The following CFAP43 variants were observed in gnomAD, a reference collection of about 807,000 sequenced individuals.
CFAP43 encodes the protein cilia- and flagella-associated protein 43.
In CFAP43, 155 loss-of-function variants were observed where a neutral mutation model predicts 218.9. That is an observed-to-expected ratio of 0.71 (90% CI 0.62 to 0.81). The LOEUF is 0.81. Among genes scored for constraint, CFAP43 ranks in the 30% least tolerant of loss-of-function variants. CFAP43 has a pLI of 0.00. For missense variants in CFAP43, 1,778 were observed against 1,954.3 expected (o/e 0.91, Z 1.70); for synonymous variants, 645 against 681.3 (o/e 0.95, Z 0.83).
chr10:104,180,442 T>C lies in CFAP43; in HGVS notation c.2290-510A>G, dbSNP rs559790548. 4.4e-5 allele frequency among the ~76,000 whole-genome samples: 6 copies of C among 136,314 alleles called. No homozygotes were observed. The East Asian group carries it at 1.3e-3, about 29-fold the overall frequency. 89.4% of individuals were successfully genotyped at this position (136,314 alleles called of 152,430 possible). ...ACATTCTTCTTCAGACACCACCCTA[T>C]TTCTTTTTTTTTTTTTTTTTTGAGA... On this transcript the variant is annotated intron_variant, in intron 17 of 37. Transcript: ENST00000357060.
intron 12 of CFAP43, among the ~76,000 whole-genome samples, chr10:104,190,808 A>G (rs1275505561): frequency 6.6e-6 from 1 of 152,210 alleles, no homozygotes; most frequent in East Asian, 1.9e-4. Flanking sequence ...GAGTTTGTGC[A>G]TTGTGGATAA....
chr10:104,152,576 T>C, intron 28 of CFAP43, 31 bp downstream of exon 28: 1 of 1,611,048 alleles, frequency 6.2e-7, no homozygotes, highest in Non-Finnish European at 8.5e-7. Flanking sequence ...GCAAGCTCCT[T>C]AAAAGTCACA....
intron 20 of CFAP43, among the ~76,000 whole-genome samples, chr10:104,172,042 T>C (rs1382944485): frequency 6.6e-6 from 1 of 152,126 alleles, no homozygotes; most frequent in Admixed American, 6.5e-5. Flanking sequence ...AGTAGAAGGA[T>C]CAGTGAGTAC....
chr10:104,232,290 C>A lies in CFAP43; in HGVS notation c.-44G>T. On this transcript the variant is annotated 5_prime_UTR_variant, in exon 1 of 38. Transcript: ENST00000357060. ...GCGGGAGCAGGCAGCGCACGCAGCA[C>A]CCCAGGGCGGGTCGGTTACCTTTCC... The A allele has an allele frequency of 2.0e-6, 3 of 1,529,610 alleles. No individual in the cohort carries two copies. Among genetic ancestry groups the A allele is most frequent in the Middle Eastern group, 2.2e-4 (1 of 4,580 alleles). The allele number at this position is 1,529,610 out of a possible 1,614,324, so 94.8% of individuals were successfully genotyped here.
At chr10:104,190,926 A>C (rs1249458475) in intron 12 of CFAP43, among the ~76,000 whole-genome samples, 1 of 152,216 alleles carries the variant, frequency 6.6e-6, no homozygotes. Context: ...CCTCATGTGG[A>C]GAGATAATAG....
intron 27 of CFAP43, among the ~76,000 whole-genome samples, chr10:104,159,173 T>C (rs1481622167): frequency 1.3e-5 from 2 of 152,202 alleles, no homozygotes; most frequent in Non-Finnish European, 2.9e-5. Flanking sequence ...ACAAGATTTT[T>C]TTTTTACTTG....
chr10:104,216,478 TCGCCTCACACC>T (rs1440420457), intron 3 of CFAP43, among the ~76,000 whole-genome samples: 3 of 152,290 alleles, frequency 2.0e-5, no homozygotes, highest in Admixed American at 1.3e-4. Context: ...CACCTGTGCC[TCGCCTCACACC>T]CACTTCACAC....
At chr10:104,192,098 C>T (rs2090243835) in intron 12 of CFAP43, 101 bp downstream of exon 12, 3 of 873,018 alleles carry the variant, frequency 3.4e-6, no homozygotes. Context: ...AAATATGCCA[C>T]AAATAATTGT....
chr10:104,131,141 C>T (rs2087171534), intron 37 of CFAP43, among the ~76,000 whole-genome samples, 190 bp downstream of exon 37: 1 of 152,060 alleles, frequency 6.6e-6, no homozygotes, highest in Non-Finnish European at 1.5e-5. Flanking sequence ...CAAACCTCAG[C>T]ATCACACAAT....
At position 104,130,046 on chromosome 10, in the gene CFAP43, A is replaced by C. The variant is rs983098671; in HGVS notation, c.*93T>G. The C allele has an allele frequency of 1.4e-6, 2 of 1,416,842 alleles. No individual in the cohort carries two copies. Among genetic ancestry groups the C allele is most frequent in the African/African-American group, 2.9e-5 (2 of 69,054 alleles). The allele number at this position is 1,416,842 out of a possible 1,614,324, so 87.8% of individuals were successfully genotyped here. The stretch of plus-strand genomic sequence containing the variant: ...GCAACTCAGAGGACATGCTACTTCA[A>C]TTTCCCAGTAAGAAAGAAAAGGAAA... On this transcript the variant is annotated 3_prime_UTR_variant, in exon 38 of 38. Transcript: ENST00000357060.
chr10:104,198,054 A>T lies in CFAP43; in HGVS notation c.1096-16T>A. On this transcript the variant is annotated splice_polypyrimidine_tract_variant and intron_variant, in intron 8 of 37. Coordinates refer to ENST00000357060, the MANE Select transcript of CFAP43 (RefSeq NM_025145.7). ...AAACAGATCCCTGATAAACATACAA[A>T]AGAAAAGAAACACATTGTAATTGTT... The T allele has an allele frequency of 7.0e-7, 1 of 1,435,460 alleles. No individual in the cohort carries two copies. The highest frequency in any genetic ancestry group is 9.8e-7 in the Non-Finnish European group (1 of 1,024,980). 88.9% of individuals were successfully genotyped at this position (1,435,460 alleles called of 1,614,324 possible).
intron 10 of CFAP43, among the ~76,000 whole-genome samples, chr10:104,195,041 G>T (rs893939185): frequency 1.3e-5 from 2 of 152,194 alleles, no homozygotes; most frequent in Non-Finnish European, 2.9e-5. Flanking sequence ...ATTCCAGGGC[G>T]ATGGTGTGCT....
chr10:104,192,343 C>T, intron 11 of CFAP43, 41 bp from the exon 12 acceptor site: 4 of 1,471,822 alleles, frequency 2.7e-6, no homozygotes, highest in Non-Finnish European at 2.8e-6. Flanking sequence ...CCAATTGTTT[C>T]ACCAGCTAGA....
intron 5 of CFAP43, among the ~76,000 whole-genome samples, chr10:104,208,453 A>G (rs1406519241): frequency 2.0e-5 from 3 of 152,180 alleles, no homozygotes; most frequent in Admixed American, 2.0e-4. Flanking sequence ...TTTCTTTAAG[A>G]CAAACCTGGG....
At chr10:104,151,123 T>A (rs376022059) in intron 28 of CFAP43, among the ~76,000 whole-genome samples, 42 of 152,372 alleles carry the variant, frequency 2.8e-4, no homozygotes, top group African/African-American at 1.0e-3. Context: ...ATGTCCCACA[T>A]TTTCTCAATC....
At chr10:104,187,603 T>C in intron 13 of CFAP43, 111 bp from the exon 14 acceptor site, 1 of 924,270 alleles carries the variant, frequency 1.1e-6, no homozygotes, top group Non-Finnish European at 1.5e-6. Flanking sequence ...GCTCAACTAA[T>C]ATTGCGGAAG....
chr10:104,152,615 T>C lies in CFAP43; in HGVS notation c.3652A>G (p.Thr1218Ala). 1 of 1,613,726 alleles carries C rather than the reference T, an allele frequency of 6.2e-7. No individual in the cohort carries two copies. The highest frequency in any genetic ancestry group is 8.5e-7 in the Non-Finnish European group (1 of 1,179,822). The change falls in exon 28 of 38, where the codon ACC becomes GCC. Residue 1218 changes from threonine to alanine, a missense_variant. This residue lies in a region of CFAP43 where 1,553 missense variants were observed against 1,685.2 expected (regional missense o/e 0.92). Transcript: ENST00000357060. ...GTAAAGCTTTTATTTACCTGGTTGGTAACCATCTCTGCCTTCACTCTCCTT... is the reference window on the plus strand; with the variant it reads ...GTAAAGCTTTTATTTACCTGGTTGGCAACCATCTCTGCCTTCACTCTCCTT... ...FERRVKAEMV[T>A]NQEELKISNL... is the part of the protein sequence containing the mutation.
intron 5 of CFAP43, among the ~76,000 whole-genome samples, chr10:104,210,783 CTTTTTTTTTTTT>C (rs68153454): frequency 8.0e-5 from 6 of 75,450 alleles, no homozygotes; most frequent in East Asian, 8.0e-4. Context: ...GTGAAACACT[CTTTTTTTTTTTT>C]TTTTTTTTTT....
intron 7 of CFAP43, 89 bp downstream of exon 7, chr10:104,205,874 C>A: frequency 9.0e-7 from 1 of 1,116,802 alleles, no homozygotes. Flanking sequence ...ATCTGACATC[C>A]TAAAATATGG....
Sources: allele counts gnomAD v4.1 joint callset (sites outside exome capture counted in the v4.1 genomes callset), GRCh38; gene constraint gnomAD v4.1.1; regional missense constraint gnomAD v4.1.1; transcripts MANE v1.5; gene names NCBI Gene and HGNC (gene_info 2026-07-23, HGNC 2026-07-21).